The following EGFR variants were observed in gnomAD, a reference collection of about 807,000 sequenced individuals.
EGFR encodes the protein epidermal growth factor receptor, also known as avian erythroblastic leukemia viral (v-erb-b) oncogene homolog.
Under a neutral mutation model 143.0 loss-of-function variants are expected in EGFR, and 58 were observed. The observed-to-expected ratio is 0.41, with a 90% confidence interval of 0.33 to 0.50. The LOEUF is 0.50. Among genes scored for constraint, EGFR ranks in the 20% least tolerant of loss-of-function variants. The probability of loss-of-function intolerance (pLI) is 0.39; values close to 1 mark genes in which losing one functional copy is unlikely to be tolerated. For missense variants in EGFR, 1,307 were observed against 1,579.0 expected, an observed-to-expected ratio of 0.83 and a Z score of 2.92; for synonymous variants, 613 against 594.4, an observed-to-expected ratio of 1.03 and a Z score of -0.45.
At chr7:55,019,477 C>T (rs1786391337) in intron 1 of EGFR, 112 bp downstream of exon 1, 1 of 521,628 alleles carries the variant, frequency 1.9e-6, no homozygotes, top group South Asian at 8.6e-5. Flanking sequence ...CCCCGCCCGT[C>T]CTTTCCTGTT....
intron 27 of EGFR, among the ~76,000 whole-genome samples, chr7:55,204,537 T>C (rs1788021299): frequency 8.5e-6 from 1 of 117,178 alleles, no homozygotes; most frequent in Non-Finnish European, 1.7e-5. Context: ...CACATACGCA[T>C]ATATACACAC....
intron 20 of EGFR, among the ~76,000 whole-genome samples, chr7:55,185,853 A>G (rs1787112012): frequency 6.6e-6 from 1 of 152,256 alleles, no homozygotes; most frequent in Admixed American, 6.5e-5. Context: ...AATTTAATGC[A>G]GATGAACATC....
chr7:55,198,015 G>T (rs1379839051), intron 22 of EGFR, among the ~76,000 whole-genome samples: 2 of 152,142 alleles, frequency 1.3e-5, no homozygotes, highest in Non-Finnish European at 2.9e-5. Flanking sequence ...TGGCCTCATA[G>T]AATGAGTTAA....
At chr7:55,157,775 C>G (rs758349558) in intron 11 of EGFR, 22 bp downstream of exon 11, 2 of 1,611,680 alleles carry the variant, frequency 1.2e-6, no homozygotes, top group Non-Finnish European at 1.7e-6. Context: ...ACAGCCAAAG[C>G]CTGGTAGATT....
At chr7:55,117,056 A>C (rs1350862777) in intron 1 of EGFR, among the ~76,000 whole-genome samples, 2 of 152,170 alleles carry the variant, frequency 1.3e-5, no homozygotes, top group Non-Finnish European at 2.9e-5. Context: ...AGTAGCTTTG[A>C]AAGATATTGC....
intron 1 of EGFR, among the ~76,000 whole-genome samples, chr7:55,057,152 T>A (rs1788874936): frequency 6.6e-6 from 1 of 152,202 alleles, no homozygotes; most frequent in Admixed American, 6.5e-5. Flanking sequence ...AGACAAACGG[T>A]CAGAAGCTTA....
At chr7:55,078,907 G>T (rs1178470502) in intron 1 of EGFR, among the ~76,000 whole-genome samples, 1 of 152,212 alleles carries the variant, frequency 6.6e-6, no homozygotes, top group South Asian at 2.1e-4. Flanking sequence ...CCAGGCACGC[G>T]TCTGGGGTGG....
chr7:55,150,663 G>A (rs139568204), intron 4 of EGFR, among the ~76,000 whole-genome samples: 140 of 152,196 alleles, frequency 9.2e-4, no homozygotes, highest in Non-Finnish European at 1.6e-3. Flanking sequence ...AAGAAAACAC[G>A]ACAGATGACA....
chr7:55,169,948 A>G (rs1260411562), intron 15 of EGFR, among the ~76,000 whole-genome samples: 1 of 152,228 alleles, frequency 6.6e-6, no homozygotes, highest in African/African-American at 2.4e-5. Context: ...TATTGCATTC[A>G]GCAGGCAGGG....
At chr7:55,117,135 T>C (rs1006488709) in intron 1 of EGFR, among the ~76,000 whole-genome samples, 1 of 152,194 alleles carries the variant, frequency 6.6e-6, no homozygotes, top group African/African-American at 2.4e-5. Flanking sequence ...TCCTAATTGC[T>C]CACAGTAAAC....
chr7:55,032,508 G>A lies in EGFR; in HGVS notation c.88+13143G>A, dbSNP rs75533762. On this transcript the variant is annotated intron_variant, in intron 1 of 27. Transcript: ENST00000275493. ...TGCATGTGTGGCAGGCAGCGGCCTGGCATCCTGGGGAACTGAATGAGGACG... is the reference window on the plus strand; with the variant it reads ...TGCATGTGTGGCAGGCAGCGGCCTGACATCCTGGGGAACTGAATGAGGACG... 4.8e-3 allele frequency among the ~76,000 whole-genome samples: 724 copies of A among 152,298 alleles called. 5 individuals carry two copies. Among genetic ancestry groups the A allele is most frequent in the South Asian group, 0.03 (143 of 4,828 alleles).
At chr7:55,036,269 T>TGGG (rs1562656982) in intron 1 of EGFR, among the ~76,000 whole-genome samples, 2 of 16,834 alleles carry the variant, frequency 1.2e-4, no homozygotes, top group Admixed American at 9.9e-4. Flanking sequence ...TTTGTGTGTG[T>TGGG]GTGGGGGGGG....
intron 4 of EGFR, among the ~76,000 whole-genome samples, chr7:55,146,978 T>C (rs1019144058): frequency 6.6e-6 from 1 of 152,166 alleles, no homozygotes; most frequent in Non-Finnish European, 1.5e-5. Flanking sequence ...GCAGATCCCC[T>C]GCAGGGACAG....
chr7:55,148,824 G>A (rs901026644), intron 4 of EGFR, among the ~76,000 whole-genome samples: 4 of 151,750 alleles, frequency 2.6e-5, no homozygotes, highest in African/African-American at 7.3e-5. Context: ...ATGGCTACAC[G>A]TTCCTGCTCA....
At chr7:55,074,777 T>C (rs1038571700) in intron 1 of EGFR, among the ~76,000 whole-genome samples, 2 of 152,224 alleles carry the variant, frequency 1.3e-5, no homozygotes, top group Non-Finnish European at 2.9e-5. Context: ...GACAAGATTA[T>C]TTTTCCTTAT....
rs2128938127 is a variant in EGFR, at chr7:55,156,527, C to T, written c.1007-6C>T. On this transcript the variant is annotated splice_region_variant and splice_polypyrimidine_tract_variant and intron_variant, in intron 8 of 27. Coordinates refer to ENST00000275493, the MANE Select transcript of EGFR (RefSeq NM_005228.5). ...AACGGAATACACGTCTCTCTTATCT[C>T]TGCAGTGTGTAACGGAATAGGTATT... 1 of 1,614,170 alleles carries T rather than the reference C, an allele frequency of 6.2e-7. No individual in the cohort carries two copies. Among genetic ancestry groups the T allele is most frequent in the Non-Finnish European group, 8.5e-7 (1 of 1,180,036 alleles).
chr7:55,143,464 G>A lies in EGFR; in HGVS notation c.400G>A (p.Glu134Lys), dbSNP rs751337426. 1.2e-6 allele frequency: 2 copies of A among 1,614,186 alleles called. No individual in the cohort carries two copies. The highest frequency in any genetic ancestry group is 2.2e-5 in the South Asian group (2 of 91,086). ...NYDANKTGLK[E>K]LPMRNLQEIL... ...TGATGCAAATAAAACCGGACTGAAGGAGCTGCCCATGAGAAATTTACAGGG... is the reference window on the plus strand; with the variant it reads ...TGATGCAAATAAAACCGGACTGAAGAAGCTGCCCATGAGAAATTTACAGGG... The change falls in exon 3 of 28, where the codon GAG becomes AAG. Residue 134 changes from glutamate (E) to lysine (K), a missense_variant. Glu to Lys is a moderately conservative substitution (Grantham distance 56, BLOSUM62 1). Transcript: ENST00000275493.
Position 55,206,979 on chromosome 7 carries a change from A to AG in EGFR, c.*1363dup, listed in dbSNP as rs1240165945. 4.3e-6 allele frequency: 1 copy of AG among 233,006 alleles called. No homozygotes were observed. Among genetic ancestry groups the AG allele is most frequent in the African/African-American group, 2.2e-5 (1 of 45,342 alleles). 14.4% of individuals were successfully genotyped at this position (233,006 alleles called of 1,614,324 possible). A position where few individuals can be genotyped will look rare whatever the true frequency, so the allele number is the denominator to read the frequency against. ...TTTGCAGATGTTTTAGAAGGAAAAAAGTTCCTTCCTAAAATAATTTCTCTA... is the reference window on the plus strand; with the variant it reads ...TTTGCAGATGTTTTAGAAGGAAAAAAGGTTCCTTCCTAAAATAATTTCTCTA... On this transcript the variant is annotated 3_prime_UTR_variant, in exon 28 of 28. Coordinates refer to ENST00000275493, the MANE Select transcript of EGFR (RefSeq NM_005228.5).
In EGFR at chr7:55,152,612, G is replaced by A; in HGVS notation, c.695G>A (p.Cys232Tyr). Residue 232 changes from cysteine to tyrosine, a missense_variant, in exon 6 of 28, where the codon TGC (cysteine) becomes TAC (tyrosine). Transcript: ENST00000275493. ...CGTGGCAAGTCCCCCAGTGACTGCT[G>A]CCACAACCAGTGTGCTGCAGGCTGC... ...RCRGKSPSDC[C>Y]HNQCAAGCTG... is the part of the protein sequence containing the mutation. 6.2e-7 allele frequency: 1 copy of A among 1,613,928 alleles called. No individual in the cohort carries two copies. Among genetic ancestry groups the A allele is most frequent in the Non-Finnish European group, 8.5e-7 (1 of 1,180,034 alleles).
Sources: allele counts gnomAD v4.1 joint callset (sites outside exome capture counted in the v4.1 genomes callset), GRCh38; gene constraint gnomAD v4.1.1; transcripts MANE v1.5; gene names NCBI Gene and HGNC (gene_info 2026-07-23, HGNC 2026-07-21).